The following BMPR1B variants were observed in gnomAD, a reference collection of about 807,000 sequenced individuals.
BMPR1B encodes the protein bone morphogenetic protein receptor type 1B.
In BMPR1B, 12 loss-of-function variants were observed where a neutral mutation model predicts 59.1. The ratio of observed to expected loss-of-function variants is 0.20; its 90% CI spans 0.13 to 0.33. The LOEUF (loss-of-function observed/expected upper bound fraction) is 0.33. BMPR1B is among the 10% of genes least tolerant of loss of function. The pLI is 1.00. For synonymous variants in BMPR1B, 237 were observed against 207.3 expected (o/e 1.14, Z -1.23); for missense variants, 550 against 610.9 (o/e 0.90, Z 1.05).
At chr4:94,860,886 A>G (rs1725952986) in intron 1 of BMPR1B, among the ~76,000 whole-genome samples, 1 of 148,352 alleles carries the variant, frequency 6.7e-6, no homozygotes, top group Non-Finnish European at 1.5e-5. Context: ...ATTTTCTTTC[A>G]TTTTATTCTG....
In BMPR1B at chr4:95,149,159, T is replaced by C. The variant is rs925197452; in HGVS notation, c.1252+236T>C. Among the ~76,000 whole-genome samples, 5 of 152,312 alleles carry C rather than the reference T, an allele frequency of 3.3e-5. No homozygotes were observed. The East Asian group carries it at 9.7e-4, about 29-fold the overall frequency. On this transcript the variant is annotated intron_variant, in intron 11 of 12. Transcript: ENST00000515059. ...CACACTGTCAGCCTACCCTGCTTTT[T>C]CAAGCATCACTGTTTTCTGCTCTGT...
At chr4:95,045,923 T>G (rs1726018613) in intron 3 of BMPR1B, among the ~76,000 whole-genome samples, 1 of 152,204 alleles carries the variant, frequency 6.6e-6, no homozygotes, top group South Asian at 2.1e-4. Flanking sequence ...TTGGGGAGTT[T>G]CTGTGTGAAA....
chr4:95,140,283 A>G (rs1322592726), intron 10 of BMPR1B, among the ~76,000 whole-genome samples: 5 of 152,172 alleles, frequency 3.3e-5, no homozygotes, highest in African/African-American at 9.7e-5. Flanking sequence ...TAATGGATAA[A>G]TGATTCCATA....
At chr4:94,981,210 CT>C (rs33948405) in intron 2 of BMPR1B, among the ~76,000 whole-genome samples, 141,624 of 148,652 alleles carry the variant, frequency 0.95, 67,483 homozygotes, top group Middle Eastern at 0.99. Flanking sequence ...TTTATCCTTT[CT>C]TTTTTTTTTT....
intron 3 of BMPR1B, among the ~76,000 whole-genome samples, chr4:95,098,783 C>T (rs1203704329): frequency 1.3e-5 from 2 of 152,064 alleles, no homozygotes; most frequent in Non-Finnish European, 2.9e-5. Context: ...GTGGCGCGAT[C>T]TGGGCTCACT....
At chr4:95,098,511 T>C (rs1274078514) in intron 3 of BMPR1B, among the ~76,000 whole-genome samples, 2 of 152,014 alleles carry the variant, frequency 1.3e-5, no homozygotes, top group African/African-American at 4.8e-5. Flanking sequence ...AAATGTGGAG[T>C]ACACATGAAG....
In BMPR1B at chr4:94,891,218, A is replaced by G. The variant is rs538128994; in HGVS notation, c.-113+15318A>G. ...TAACTTAAACACTTTCCCACTATACATTCCACTTACATCTTATTGCTGAAA... is the reference window on the plus strand; with the variant it reads ...TAACTTAAACACTTTCCCACTATACGTTCCACTTACATCTTATTGCTGAAA... On this transcript the variant is annotated intron_variant, in intron 2 of 12. Coordinates refer to ENST00000515059, the MANE Select transcript of BMPR1B (RefSeq NM_001203.3). Among the ~76,000 whole-genome samples the G allele has an allele frequency of 5.3e-4, 80 of 152,226 alleles. 2 individuals are homozygous for G. In the South Asian group the frequency reaches 0.016, roughly 31 times the overall value.
chr4:94,986,163 A>G (rs922120533), intron 2 of BMPR1B, among the ~76,000 whole-genome samples: 7 of 152,344 alleles, frequency 4.6e-5, no homozygotes, highest in Admixed American at 3.9e-4. Context: ...TTTAATTACT[A>G]TATTGACATG....
chr4:95,067,106 T>C (rs1480361170), intron 3 of BMPR1B, among the ~76,000 whole-genome samples: 1 of 152,180 alleles, frequency 6.6e-6, no homozygotes, highest in African/African-American at 2.4e-5. Context: ...AATAGAACTT[T>C]GGAATTTTCA....
intron 2 of BMPR1B, among the ~76,000 whole-genome samples, chr4:94,971,173 A>G (rs35858185): frequency 0.1 from 15,265 of 152,206 alleles, 813 homozygotes; most frequent in South Asian, 0.13. Flanking sequence ...GAACTGGACC[A>G]TGAAATACGA....
At chr4:94,850,277 A>G (rs1386548443) in intron 1 of BMPR1B, among the ~76,000 whole-genome samples, 3 of 22,760 alleles carry the variant, frequency 1.3e-4, no homozygotes, top group East Asian at 1.5e-3. Flanking sequence ...TTTTTAAATG[A>G]AAAAAAAAAA....
At chr4:95,128,203 A>G (rs1282204632) in intron 8 of BMPR1B, among the ~76,000 whole-genome samples, 3 of 152,158 alleles carry the variant, frequency 2.0e-5, no homozygotes, top group African/African-American at 7.2e-5. Context: ...CTAGAATTTT[A>G]TGTTCTATGA....
At chr4:94,837,516 A>AG (rs1391309077) in intron 1 of BMPR1B, among the ~76,000 whole-genome samples, 1 of 145,296 alleles carries the variant, frequency 6.9e-6, no homozygotes, top group African/African-American at 2.6e-5. Flanking sequence ...TTGTCTTTGA[A>AG]GCAATTGTGA....
At chr4:94,809,646 G>T in intron 1 of BMPR1B, among the ~76,000 whole-genome samples, 1 of 152,190 alleles carries the variant, frequency 6.6e-6, no homozygotes, top group East Asian at 1.9e-4. Flanking sequence ...ACATTGTACT[G>T]CTCCACCCCA....
At chr4:94,760,504 C>A (rs189366027) in intron 1 of BMPR1B, among the ~76,000 whole-genome samples, 1 of 149,626 alleles carries the variant, frequency 6.7e-6, no homozygotes, top group African/African-American at 2.4e-5. Flanking sequence ...CCACATATAG[C>A]ACCTCCTCCA....
chr4:95,023,794 G>A lies in BMPR1B; in HGVS notation c.-18+27660G>A, dbSNP rs368920251. On this transcript the variant is annotated intron_variant, in intron 3 of 12. Transcript: ENST00000515059. ...AAACAACAGACCTCTCATACCAAAT[G>A]TATGTTAATATATGCAAGTTTATAC... Among the ~76,000 whole-genome samples, 12 of 152,296 alleles carry A rather than the reference G, an allele frequency of 7.9e-5. No homozygotes were observed. In the East Asian group the frequency reaches 1.2e-3, roughly 15 times the overall value.
At chr4:94,778,914 T>G (rs1722487488) in intron 1 of BMPR1B, among the ~76,000 whole-genome samples, 1 of 152,148 alleles carries the variant, frequency 6.6e-6, no homozygotes, top group African/African-American at 2.4e-5. Context: ...TTTTTTTGTT[T>G]ATTATGAATG....
intron 2 of BMPR1B, among the ~76,000 whole-genome samples, chr4:94,953,267 G>C (rs549949691): frequency 5.9e-5 from 9 of 152,254 alleles, no homozygotes; most frequent in Admixed American, 2.0e-4. Context: ...TACATTTAAG[G>C]TTAATATTGT....
At chr4:95,043,606 T>C (rs558305657) in intron 3 of BMPR1B, among the ~76,000 whole-genome samples, 4 of 152,334 alleles carry the variant, frequency 2.6e-5, no homozygotes, top group African/African-American at 7.2e-5. Flanking sequence ...GTAAATGATA[T>C]TGTAGTAGAT....
Sources: allele counts gnomAD v4.1 joint callset (sites outside exome capture counted in the v4.1 genomes callset), GRCh38; gene constraint gnomAD v4.1.1; transcripts MANE v1.5; gene names NCBI Gene and HGNC (gene_info 2026-07-23, HGNC 2026-07-21).